GPC6: variants seen among roughly 807,000 people sequenced by gnomAD.
The protein encoded by GPC6 is glypican 6.
GPC6 carries 14 observed loss-of-function variants against 55.2 expected under a neutral mutation model. That is an observed-to-expected ratio of 0.25 (90% confidence interval 0.17 to 0.40). The LOEUF is 0.40. Among genes scored for constraint, GPC6 ranks in the 10% least tolerant of loss-of-function variants. The pLI, the probability that GPC6 is intolerant of heterozygous loss-of-function variation, is 1.00. For synonymous variants in GPC6, 278 were observed against 259.6 expected (o/e 1.07, Z -0.68); for missense variants, 641 against 708.5 (o/e 0.90, Z 1.08).
chr13:93,830,361 T>C lies in GPC6; in HGVS notation c.527T>C (p.Ile176Thr). ...ARLLERMFQL[I>T]NPQYHFSEDY... ...CTCCTGGAACGGATGTTTCAGCTGATAAACCCTCAGTATCACTTCAGTGAA... is the reference window on the plus strand; with the variant it reads ...CTCCTGGAACGGATGTTTCAGCTGACAAACCCTCAGTATCACTTCAGTGAA... The change falls in exon 3 of 9, where the codon ATA becomes ACA. Residue 176 changes from isoleucine to threonine, a missense_variant. By Grantham distance (89) the Ile-to-Thr change is moderately conservative. Coordinates refer to ENST00000377047, the MANE Select transcript of GPC6 (RefSeq NM_005708.5). 6.2e-7 allele frequency: 1 copy of C among 1,613,922 alleles called. No homozygotes were observed. The highest frequency in any genetic ancestry group is 8.5e-7 in the Non-Finnish European group (1 of 1,179,932).
intron 4 of GPC6, among the ~76,000 whole-genome samples, chr13:94,254,177 G>A (rs1365363824): frequency 6.6e-6 from 1 of 152,074 alleles, no homozygotes; most frequent in African/African-American, 2.4e-5. Context: ...AGTGCCTTTG[G>A]CATGTACTGG....
chr13:94,173,766 T>TAAAAG (rs1234847946), intron 4 of GPC6, among the ~76,000 whole-genome samples: 31 of 152,296 alleles, frequency 2.0e-4, no homozygotes, highest in Admixed American at 2.0e-3. Context: ...CCCATCTGAA[T>TAAAAG]ATCCTGCTTC....
rs1885549919 is a variant in GPC6 at position 93,778,907 on chromosome 13, A to T, written c.320-51247A>T. Among the ~76,000 whole-genome samples, 9 of 152,066 alleles carry T rather than the reference A, an allele frequency of 5.9e-5. No homozygotes were observed. The South Asian group carries it at 1.9e-3, about 31-fold the overall frequency. ...GGCCATGTTTTGCTTCCATCCAATA[A>T]CTCAGAGAACTGTAGCCAATCCAAG... On this transcript the variant is annotated intron_variant, in intron 2 of 8. Coordinates refer to ENST00000377047, the MANE Select transcript of GPC6 (RefSeq NM_005708.5).
chr13:93,500,948 T>C (rs919789439), intron 1 of GPC6, among the ~76,000 whole-genome samples: 1 of 152,224 alleles, frequency 6.6e-6, no homozygotes, highest in African/African-American at 2.4e-5. Context: ...GACCTCAGTC[T>C]AGGTCTGTGA....
intron 3 of GPC6, among the ~76,000 whole-genome samples, chr13:93,853,908 T>C (rs1888508785): frequency 6.6e-6 from 1 of 151,736 alleles, no homozygotes; most frequent in South Asian, 2.1e-4. Context: ...CACAGTAACA[T>C]GTTCACAGGG....
intron 1 of GPC6, among the ~76,000 whole-genome samples, chr13:93,398,944 T>C (rs1875962550): frequency 6.6e-6 from 1 of 152,164 alleles, no homozygotes; most frequent in African/African-American, 2.4e-5. Context: ...GCCAATCTTC[T>C]TTTAGTGTTT....
intron 4 of GPC6, among the ~76,000 whole-genome samples, chr13:94,155,576 G>A (rs906069167): frequency 4.6e-5 from 7 of 152,152 alleles, no homozygotes; most frequent in Admixed American, 3.9e-4. Flanking sequence ...AGTGCAGGGT[G>A]TGGAGAGAAT....
chr13:94,015,322 G>A (rs577365408), intron 3 of GPC6, among the ~76,000 whole-genome samples: 7 of 152,006 alleles, frequency 4.6e-5, no homozygotes, highest in South Asian at 4.1e-4. Flanking sequence ...AGCCATTTGC[G>A]TATCTTCTTT....
chr13:93,679,283 A>C (rs1425384542), intron 2 of GPC6, among the ~76,000 whole-genome samples: 8 of 152,152 alleles, frequency 5.3e-5, no homozygotes, highest in Non-Finnish European at 7.4e-5. Context: ...CTGTGGACCA[A>C]TAATGGGAAA....
chr13:93,287,041 G>A (rs1878152623), intron 1 of GPC6, among the ~76,000 whole-genome samples: 1 of 152,104 alleles, frequency 6.6e-6, no homozygotes, highest in Non-Finnish European at 1.5e-5. Context: ...ATTACCTTCA[G>A]ACTATGTGTA....
At chr13:93,841,405 C>A (rs1344670982) in intron 3 of GPC6, among the ~76,000 whole-genome samples, 2 of 152,076 alleles carry the variant, frequency 1.3e-5, no homozygotes, top group African/African-American at 2.4e-5. Flanking sequence ...TTTGTCATTG[C>A]AAGCAAGGGT....
intron 2 of GPC6, among the ~76,000 whole-genome samples, chr13:93,772,845 C>G (rs1885346684): frequency 6.6e-6 from 1 of 152,106 alleles, no homozygotes; most frequent in Non-Finnish European, 1.5e-5. Context: ...AGGAATTGTT[C>G]TGGTCAGAAT....
At chr13:94,216,310 A>G (rs1351866567) in intron 4 of GPC6, among the ~76,000 whole-genome samples, 1 of 152,230 alleles carries the variant, frequency 6.6e-6, no homozygotes, top group Non-Finnish European at 1.5e-5. Context: ...CTGAGGAAGA[A>G]CATGACTTGA....
intron 2 of GPC6, among the ~76,000 whole-genome samples, chr13:93,804,858 C>G (rs978798425): frequency 2.0e-5 from 3 of 152,190 alleles, no homozygotes; most frequent in Admixed American, 2.0e-4. Context: ...CTTAAAACTC[C>G]CTGAGTCTCC....
chr13:93,714,668 T>G (rs1358459633), intron 2 of GPC6, among the ~76,000 whole-genome samples: 1 of 151,646 alleles, frequency 6.6e-6, no homozygotes. Context: ...TTCTTGATTT[T>G]GTACAAGAAG....
At chr13:93,972,949 T>TTCTCTCTCTCTCTCTCCCTCTCTG (rs1880350997) in intron 3 of GPC6, among the ~76,000 whole-genome samples, 5 of 140,990 alleles carry the variant, frequency 3.5e-5, no homozygotes, top group Admixed American at 7.0e-5. Context: ...CTCTCTGTCT[T>TTCTCTCTCTCTCTCTCCCTCTCTG]TCTCTCTCTC....
chr13:93,357,338 T>G (rs904451930), intron 1 of GPC6, among the ~76,000 whole-genome samples: 3 of 152,360 alleles, frequency 2.0e-5, no homozygotes, highest in African/African-American at 7.2e-5. Context: ...TGGTTTTATA[T>G]TTTTCCCCTT....
intron 2 of GPC6, among the ~76,000 whole-genome samples, chr13:93,747,462 G>A (rs1304761602): frequency 1.3e-5 from 2 of 152,180 alleles, no homozygotes; most frequent in Non-Finnish European, 2.9e-5. Flanking sequence ...CTATTCTCCA[G>A]CCTCATCAGA....
At chr13:93,823,188 G>T (rs574126968) in intron 2 of GPC6, among the ~76,000 whole-genome samples, 29 of 150,284 alleles carry the variant, frequency 1.9e-4, no homozygotes, top group African/African-American at 6.9e-4. Flanking sequence ...AAATAATTTA[G>T]GTATGACTTT....
Sources: allele counts gnomAD v4.1 joint callset (sites outside exome capture counted in the v4.1 genomes callset), GRCh38; gene constraint gnomAD v4.1.1; transcripts MANE v1.5; gene names NCBI Gene and HGNC (gene_info 2026-07-23, HGNC 2026-07-21).